Variants in CD86 observed in about 807,000 individuals in gnomAD.
CD86 encodes CD86 molecule.
CD86 carries 11 observed loss-of-function variants against 32.1 expected under a neutral mutation model. The ratio of observed to expected loss-of-function variants is 0.34; its 90% confidence interval spans 0.22 to 0.57. The LOEUF (loss-of-function observed/expected upper bound fraction) is 0.57, where lower values mean the gene tolerates loss of function less well. Ranked by LOEUF, CD86 falls within the 20% of genes least tolerant of loss-of-function variation. The pLI, the probability that CD86 is intolerant of heterozygous loss-of-function variation, is 0.86. For synonymous variants in CD86, 137 were observed against 135.3 expected, an observed-to-expected ratio of 1.01 and a Z score of -0.09; for missense variants, 359 against 398.4, an observed-to-expected ratio of 0.90 and a Z score of 0.84.
At chr3:122,074,633 A>T (rs2072532598) in intron 1 of CD86, among the ~76,000 whole-genome samples, 1 of 151,998 alleles carries the variant, frequency 6.6e-6, no homozygotes. Context: ...ATGTTTCTAG[A>T]CTCCCACGGG....
Position 122,119,510 on chromosome 3 carries a change from C to G in CD86, c.966C>G (p.Cys322Trp). Residue 322 changes from cysteine (C) to tryptophan (W), a missense_variant, in exon 7 of 7, where the codon TGC (cysteine) becomes TGG (tryptophan). Cys to Trp is a radical substitution (Grantham distance 215, BLOSUM62 -2). Coordinates refer to ENST00000330540, the MANE Select transcript of CD86 (RefSeq NM_175862.5). ...RVFKSSKTSSCDKSDTCF is the reference protein window; with the variant it reads ...RVFKSSKTSSWDKSDTCF ...TTAAAAGTTCGAAGACATCTTCATG[C>G]GACAAAAGTGATACATGTTTTTAAT... The G allele has an allele frequency of 6.2e-7, 1 of 1,601,830 alleles. No individual in the cohort carries two copies. The highest frequency in any genetic ancestry group is 8.6e-7 in the Non-Finnish European group (1 of 1,169,024).
At chr3:122,115,662 C>T (rs2681421) in intron 5 of CD86, among the ~76,000 whole-genome samples, 32,483 of 149,434 alleles carry the variant, frequency 0.22, 4,094 homozygotes, top group East Asian at 0.6. Context: ...ATTGCTTGAA[C>T]CCGGGAGGCA....
intron 1 of CD86, among the ~76,000 whole-genome samples, chr3:122,073,881 T>C (rs2072522627): frequency 6.6e-6 from 1 of 152,180 alleles, no homozygotes; most frequent in Non-Finnish European, 1.5e-5. Flanking sequence ...TTCCTTTAAC[T>C]CAACTTAATC....
chr3:122,078,961 G>A (rs927186076), intron 1 of CD86, among the ~76,000 whole-genome samples: 6 of 152,098 alleles, frequency 3.9e-5, no homozygotes, highest in African/African-American at 1.4e-4. Context: ...TTATTTATGT[G>A]AGCTATCCTG....
chr3:122,066,061 A>G (rs1040165394), intron 1 of CD86, among the ~76,000 whole-genome samples: 1 of 152,204 alleles, frequency 6.6e-6, no homozygotes, highest in Non-Finnish European at 1.5e-5. Flanking sequence ...GCCAAAACCC[A>G]GCTCCTTAAA....
chr3:122,069,253 T>C (rs939860121), intron 1 of CD86, among the ~76,000 whole-genome samples: 1 of 151,786 alleles, frequency 6.6e-6, no homozygotes, highest in African/African-American at 2.4e-5. Flanking sequence ...CAGAGCTAGT[T>C]AAGCATTTGT....
Position 122,120,155 on chromosome 3 carries a change from C to A in CD86, c.*621C>A, listed in dbSNP as rs1331134090. 6.6e-6 allele frequency: 1 copy of A among 152,270 alleles called. No individual in the cohort carries two copies. Among genetic ancestry groups the A allele is most frequent in the African/African-American group, 2.4e-5 (1 of 41,442 alleles). The allele number at this position is 152,270 out of a possible 1,614,324, so 9.4% of individuals were successfully genotyped here. The stretch of plus-strand genomic sequence containing the variant: ...AAACGGTGGCCTAGGGTACAGGCAA[C>A]AATGAGCAGACCAACCTAAATTTGG... On this transcript the variant is annotated 3_prime_UTR_variant, in exon 7 of 7. Transcript: ENST00000330540.
chr3:122,091,989 T>C (rs775939775), intron 2 of CD86: 10 of 226,528 alleles, frequency 4.4e-5, no homozygotes, highest in Non-Finnish European at 7.8e-5. Flanking sequence ...CTTGACTCTT[T>C]TGTTCCACAC....
chr3:122,056,163 A>T (rs1051029230), intron 1 of CD86, among the ~76,000 whole-genome samples: 14 of 152,080 alleles, frequency 9.2e-5, no homozygotes, highest in Non-Finnish European at 1.8e-4. Context: ...ACTGTGGCTT[A>T]AAAAACTTGC....
At chr3:122,063,192 T>C (rs192983533) in intron 1 of CD86, among the ~76,000 whole-genome samples, 32 of 152,322 alleles carry the variant, frequency 2.1e-4, no homozygotes, top group African/African-American at 7.5e-4. Flanking sequence ...TTGCTTTTCA[T>C]TTACAAAGAT....
intron 1 of CD86, 150 bp from the exon 2 acceptor site, chr3:122,091,451 G>C: frequency 1.5e-6 from 1 of 683,532 alleles, no homozygotes. Flanking sequence ...AGAGCAAAAG[G>C]AAATGGCTTT....
chr3:122,061,881 A>T (rs573515446), intron 1 of CD86, among the ~76,000 whole-genome samples: 1 of 152,312 alleles, frequency 6.6e-6, no homozygotes, highest in Admixed American at 6.5e-5. Flanking sequence ...CTCCTGCAAA[A>T]ATCAGTATAT....
At chr3:122,064,244 A>G (rs1184751601) in intron 1 of CD86, among the ~76,000 whole-genome samples, 7 of 116,008 alleles carry the variant, frequency 6.0e-5, no homozygotes, top group Non-Finnish European at 1.4e-4. Flanking sequence ...CACCAAGAGG[A>G]AAAAAAAAAA....
At chr3:122,080,633 C>G (rs2072620472) in intron 1 of CD86, among the ~76,000 whole-genome samples, 1 of 152,172 alleles carries the variant, frequency 6.6e-6, no homozygotes, top group Non-Finnish European at 1.5e-5. Context: ...ACACTGTGCT[C>G]TCAAATGAGT....
chr3:122,069,593 T>C (rs1271824634), intron 1 of CD86, among the ~76,000 whole-genome samples: 1 of 152,132 alleles, frequency 6.6e-6, no homozygotes, highest in African/African-American at 2.4e-5. Flanking sequence ...TCCATGTCCA[T>C]GGGGTGAGTT....
intron 2 of CD86, among the ~76,000 whole-genome samples, chr3:122,096,705 C>T (rs2072913718): frequency 6.6e-6 from 1 of 152,120 alleles, no homozygotes; most frequent in South Asian, 2.1e-4. Flanking sequence ...AAGTAATTTG[C>T]CTATGGTAAC....
chr3:122,100,548 G>A (rs1183044921), intron 2 of CD86, among the ~76,000 whole-genome samples: 1 of 152,154 alleles, frequency 6.6e-6, no homozygotes, highest in African/African-American at 2.4e-5. Context: ...ACATAAAGAA[G>A]AGATAATTCT....
rs187390643 is a variant in CD86, at chr3:122,102,539, A to G, written c.65-973A>G. Among the ~76,000 whole-genome samples, 664 of 150,866 alleles carry G rather than the reference A, an allele frequency of 4.4e-3. 3 individuals are homozygous for G. Among genetic ancestry groups the G allele is most frequent in the Non-Finnish European group, 5.9e-3 (401 of 67,882 alleles). On this transcript the variant is annotated intron_variant, in intron 2 of 6. Coordinates refer to ENST00000330540, the MANE Select transcript of CD86 (RefSeq NM_175862.5). ...CCCACATCCTTCCCACAAACCCCAAAGTGTCCTCAAGGACTAAAGCCTTTC... is the reference window on the plus strand; with the variant it reads ...CCCACATCCTTCCCACAAACCCCAAGGTGTCCTCAAGGACTAAAGCCTTTC...
intron 1 of CD86, among the ~76,000 whole-genome samples, chr3:122,063,587 GA>G (rs1317245542): frequency 6.8e-6 from 1 of 146,604 alleles, no homozygotes; most frequent in African/African-American, 2.6e-5. Flanking sequence ...TAAGTACATA[GA>G]AAGATTTTTT....
Sources: allele counts gnomAD v4.1 joint callset (sites outside exome capture counted in the v4.1 genomes callset), GRCh38; gene constraint gnomAD v4.1.1; transcripts MANE v1.5; gene names NCBI Gene and HGNC (gene_info 2026-07-23, HGNC 2026-07-21).